MEGF11: variants seen among roughly 807,000 people sequenced by gnomAD.
The protein encoded by MEGF11 is multiple epidermal growth factor-like domains protein 11.
Under a neutral mutation model 146.6 loss-of-function variants are expected in MEGF11, and 126 were observed. That is an observed-to-expected ratio of 0.86 (90% CI 0.74 to 1.00). The LOEUF (loss-of-function observed/expected upper bound fraction) is 1.00, where lower values mean the gene tolerates loss of function less well. Ranked by LOEUF, MEGF11 falls within the 50% of genes least tolerant of loss-of-function variation. The pLI, the probability that MEGF11 is intolerant of heterozygous loss-of-function variation, is 0.00. For synonymous variants in MEGF11, 532 were observed against 583.4 expected (o/e 0.91, Z 1.27); for missense variants, 1,509 against 1,521.2 (o/e 0.99, Z 0.13).
intron 5 of MEGF11, among the ~76,000 whole-genome samples, chr15:66,031,606 G>T (rs1356619377): frequency 3.9e-5 from 6 of 152,238 alleles, no homozygotes; most frequent in Admixed American, 1.3e-4. Context: ...CAGTGAGGAA[G>T]AGTGGTGGAG....
At chr15:66,242,637 C>G (rs2092232643) in intron 1 of MEGF11, among the ~76,000 whole-genome samples, 1 of 152,060 alleles carries the variant, frequency 6.6e-6, no homozygotes, top group East Asian at 1.9e-4. Context: ...AAAGGGCAAG[C>G]AAGAGACCCA....
intron 1 of MEGF11, among the ~76,000 whole-genome samples, chr15:66,212,457 G>C (rs1421237019): frequency 6.6e-6 from 1 of 152,058 alleles, no homozygotes; most frequent in Non-Finnish European, 1.5e-5. Context: ...CCCTACCCTA[G>C]GCCTCTAAGA....
chr15:65,898,078 C>A lies in MEGF11; in HGVS notation c.3279G>T (p.Val1093=). ...NIYEVEPTVS[V]VQEGCGHNSS... is the part of the protein sequence containing the mutation. ...AGTTATGACCGCAACCTTCTTGGAC[C>A]ACACTGACTGTGGGCTCTAAGAAAT... The change falls in exon 26 of 26, where the codon GTG becomes GTT. Residue 1093 remains valine (V), a synonymous_variant. Coordinates refer to ENST00000395614, the MANE Select transcript of MEGF11 (RefSeq NM_001385028.1). 1.2e-6 allele frequency: 2 copies of A among 1,613,480 alleles called. No individual in the cohort carries two copies. Among genetic ancestry groups the A allele is most frequent in the Non-Finnish European group, 1.7e-6 (2 of 1,179,604 alleles).
chr15:66,197,502 A>G (rs1375258903), intron 1 of MEGF11, among the ~76,000 whole-genome samples: 1 of 152,020 alleles, frequency 6.6e-6, no homozygotes, highest in Non-Finnish European at 1.5e-5. Context: ...AACTCACTAC[A>G]ACCTCCGCCT....
intron 1 of MEGF11, among the ~76,000 whole-genome samples, chr15:66,198,230 A>G (rs1460016399): frequency 6.6e-6 from 1 of 152,224 alleles, no homozygotes; most frequent in Non-Finnish European, 1.5e-5. Flanking sequence ...CAAACGTTCA[A>G]CAGAGGCGGG....
At chr15:65,917,090 C>G (rs2079025292) in intron 16 of MEGF11, 134 bp from the exon 17 acceptor site, 1 of 932,396 alleles carries the variant, frequency 1.1e-6, no homozygotes, top group Non-Finnish European at 1.5e-6. Context: ...CTTTCAGGGG[C>G]TTCATGCACT....
At chr15:66,186,170 T>A (rs2090693998) in intron 1 of MEGF11, among the ~76,000 whole-genome samples, 4 of 152,150 alleles carry the variant, frequency 2.6e-5, no homozygotes, top group Admixed American at 2.6e-4. Context: ...TCACTTTAGA[T>A]GTCACTGGAA....
At chr15:66,006,835 A>G (rs1444244861) in intron 5 of MEGF11, among the ~76,000 whole-genome samples, 1 of 152,236 alleles carries the variant, frequency 6.6e-6, no homozygotes, top group African/African-American at 2.4e-5. Flanking sequence ...CCAGTCTCCA[A>G]GAAAGGGAAG....
intron 10 of MEGF11, among the ~76,000 whole-genome samples, chr15:65,950,515 G>C (rs960527428): frequency 6.6e-6 from 1 of 152,034 alleles, no homozygotes; most frequent in African/African-American, 2.4e-5. Flanking sequence ...AGAGGTCAAG[G>C]CTGCACAGTG....
At chr15:65,911,811 C>T (rs1014646431) in intron 21 of MEGF11, among the ~76,000 whole-genome samples, 1 of 152,138 alleles carries the variant, frequency 6.6e-6, no homozygotes, top group African/African-American at 2.4e-5. Flanking sequence ...GACTTGGTAC[C>T]AGTTGGTTAC....
intron 15 of MEGF11, among the ~76,000 whole-genome samples, chr15:65,921,526 A>G (rs966461017): frequency 1.3e-5 from 2 of 152,184 alleles, no homozygotes; most frequent in African/African-American, 4.8e-5. Flanking sequence ...GAAGTCCTGC[A>G]TGGTCCATGG....
At chr15:66,124,758 C>A (rs555445376) in intron 2 of MEGF11, among the ~76,000 whole-genome samples, 15 of 152,320 alleles carry the variant, frequency 9.8e-5, no homozygotes, top group African/African-American at 3.6e-4. Context: ...CAGGTGGAAG[C>A]CACAGGGAAG....
rs776733494 is a variant in MEGF11 at position 65,897,933 on chromosome 15, C to T, written c.*1G>A. 2 of 1,613,502 alleles carry T rather than the reference C, an allele frequency of 1.2e-6. No individual in the cohort carries two copies. The highest frequency in any genetic ancestry group is 2.2e-5 in the East Asian group (1 of 44,892). On this transcript the variant is annotated 3_prime_UTR_variant, in exon 26 of 26. Transcript: ENST00000395614. ...CACTGCAAGAGAGAAGCTTATCCCT[C>T]TTAAGATTGCTTGTCCTGGGACGGC... is the stretch of plus-strand genomic sequence containing the variant.
intron 5 of MEGF11, among the ~76,000 whole-genome samples, chr15:65,999,197 A>AT (rs557434571): frequency 8.0e-5 from 12 of 150,390 alleles, no homozygotes; most frequent in Admixed American, 3.3e-4. Context: ...ATGACCGGCT[A>AT]TTTTTTTTTA....
chr15:66,113,202 C>T (rs2087528063), intron 4 of MEGF11, among the ~76,000 whole-genome samples: 1 of 152,136 alleles, frequency 6.6e-6, no homozygotes, highest in Non-Finnish European at 1.5e-5. Flanking sequence ...CCTCGGACAC[C>T]ATGTGCAGAC....
intron 4 of MEGF11, among the ~76,000 whole-genome samples, chr15:66,112,678 G>A (rs1041757490): frequency 2.6e-5 from 4 of 151,102 alleles, no homozygotes; most frequent in African/African-American, 9.8e-5. Flanking sequence ...AAAACCCCCA[G>A]AAACTCCACA....
intron 1 of MEGF11, among the ~76,000 whole-genome samples, chr15:66,189,795 TG>T (rs1383339831): frequency 1.3e-5 from 2 of 151,758 alleles, no homozygotes; most frequent in East Asian, 3.9e-4. Context: ...GCTCAAATAA[TG>T]GGGCCTTAGA....
chr15:66,205,965 A>T (rs2091289589), intron 1 of MEGF11, among the ~76,000 whole-genome samples: 1 of 152,226 alleles, frequency 6.6e-6, no homozygotes, highest in South Asian at 2.1e-4. Context: ...ATAAATGTCA[A>T]CTCCAAAATG....
At chr15:65,965,589 TTTCTTTC>T in intron 8 of MEGF11, among the ~76,000 whole-genome samples, 3 of 25,450 alleles carry the variant, frequency 1.2e-4, no homozygotes, top group South Asian at 2.2e-3. Flanking sequence ...TCTTTCTTTC[TTTCTTTC>T]TTTCTTTTTT....
Sources: allele counts gnomAD v4.1 joint callset (sites outside exome capture counted in the v4.1 genomes callset), GRCh38; gene constraint gnomAD v4.1.1; transcripts MANE v1.5; gene names NCBI Gene and HGNC (gene_info 2026-07-23, HGNC 2026-07-21).